Variants in STAB2 observed in about 807,000 individuals in gnomAD.
STAB2 encodes stabilin-2.
Under a neutral mutation model 338.1 loss-of-function variants are expected in STAB2, and 288 were observed. The observed-to-expected ratio is 0.85, with a 90% CI of 0.77 to 0.94. The LOEUF (loss-of-function observed/expected upper bound fraction) is 0.94. Ranked by LOEUF, STAB2 falls within the 40% of genes least tolerant of loss-of-function variation. The probability of loss-of-function intolerance (pLI) is 0.00; values close to 1 mark genes in which losing one functional copy is unlikely to be tolerated. For missense variants in STAB2, 3,141 were observed against 3,210.1 expected, an observed-to-expected ratio of 0.98 and a Z score of 0.52; for synonymous variants, 1,202 against 1,193.3, an observed-to-expected ratio of 1.01 and a Z score of -0.15.
rs185803400 is a variant in STAB2 at position 103,688,859 on chromosome 12, C to T, written c.3045+644C>T. Among the ~76,000 whole-genome samples, 47 of 152,336 alleles carry T rather than the reference C, an allele frequency of 3.1e-4. No individual in the cohort carries two copies. The East Asian group carries it at 7.7e-3, about 25-fold the overall frequency. Reference sequence around the variant, plus strand: ...AGGCATGAGCTGGCCCAGTGGTGTGCTGAACCCTGTTCACACTCACTCACG... The same window carrying T: ...AGGCATGAGCTGGCCCAGTGGTGTGTTGAACCCTGTTCACACTCACTCACG... On this transcript the variant is annotated intron_variant, in intron 28 of 68. Transcript: ENST00000388887.
intron 6 of STAB2, 38 bp downstream of exon 6, chr12:103,631,731 A>C: frequency 6.3e-7 from 1 of 1,589,602 alleles, no homozygotes; most frequent in Non-Finnish European, 8.6e-7. Context: ...ACACCAGATC[A>C]AACAGGCACA....
chr12:103,638,188 GT>G lies in STAB2; in HGVS notation c.883del (p.Cys295AlafsTer28), dbSNP rs1357245052. ...FGNCPTKSTV[C>X]KYDGPGQSHC... The stretch of plus-strand genomic sequence containing the variant: ...GAAACTGCCCTACAAAGTCTACAGT[GT>G]GCAAATATGATGGGCCTGGACAGGT... On this transcript the variant is annotated frameshift_variant, in exon 8 of 69. Coordinates refer to ENST00000388887, the MANE Select transcript of STAB2 (RefSeq NM_017564.10). LOFTEE classifies it high-confidence loss of function. The G allele has an allele frequency of 1.2e-6, 2 of 1,614,066 alleles. No individual in the cohort carries two copies. The highest frequency in any genetic ancestry group is 3.3e-5 in the Admixed American group (2 of 60,008).
intron 30 of STAB2, 67 bp downstream of exon 30, chr12:103,690,605 A>G: frequency 7.1e-7 from 1 of 1,410,570 alleles, no homozygotes; most frequent in Non-Finnish European, 9.8e-7. Flanking sequence ...TACTTTTTAA[A>G]TTTTCATGTT....
chr12:103,624,504 C>T (rs1437995422), intron 5 of STAB2, among the ~76,000 whole-genome samples: 2 of 152,162 alleles, frequency 1.3e-5, no homozygotes, highest in African/African-American at 4.8e-5. Context: ...AATAATATTG[C>T]CTCCTTTAGA....
intron 38 of STAB2, among the ~76,000 whole-genome samples, chr12:103,707,279 CACGGCTAA>C (rs1261547826): frequency 1.3e-5 from 2 of 152,258 alleles, no homozygotes; most frequent in South Asian, 2.1e-4. Flanking sequence ...CACTAATCAT[CACGGCTAA>C]ACTTTCCATT....
Position 103,674,056 on chromosome 12 carries a change from G to C in STAB2, c.2521G>C (p.Ala841Pro). The change falls in exon 23 of 69, where the codon GCC becomes CCC. Residue 841 changes from alanine (A) to proline (P), a missense_variant. By Grantham distance (27) the Ala-to-Pro change is conservative. Coordinates refer to ENST00000388887, the MANE Select transcript of STAB2 (RefSeq NM_017564.10). ...CTACGTGCAGTTCTGTCACATCCAC[G>C]CCACCTGTGAATACAGCAATGGGAC... The part of the protein sequence containing the change: ...GPYVQFCHIH[A>P]TCEYSNGTAS... The C allele has an allele frequency of 6.2e-7, 1 of 1,613,254 alleles. No homozygotes were observed. The highest frequency in any genetic ancestry group is 8.5e-7 in the Non-Finnish European group (1 of 1,179,442).
In STAB2 at chr12:103,690,457, A is replaced by G. The variant is rs1461155367; in HGVS notation, c.3216A>G (p.Ala1072=). 6 of 1,614,014 alleles carry G rather than the reference A, an allele frequency of 3.7e-6. No individual in the cohort carries two copies. In the South Asian group the frequency reaches 5.5e-5, roughly 15 times the overall value. ...YHMLLGTYRV[A]DLQTLSSSDM... ...TGCTACTAGGCACATACAGAGTGGC[A>G]GATCTGCAGACCCTGTCTTCTTCTG... The change falls in exon 30 of 69, where the codon GCA becomes GCG. Residue 1072 remains alanine, a synonymous_variant. Transcript: ENST00000388887.
chr12:103,670,840 C>T (rs769153759), intron 22 of STAB2, 33 bp downstream of exon 22: 15 of 1,570,624 alleles, frequency 9.6e-6, no homozygotes, highest in Non-Finnish European at 1.3e-5. Context: ...CCTTCCACTC[C>T]TAAGCAAGGT....
At chr12:103,607,501 A>G (rs1220332915) in intron 3 of STAB2, among the ~76,000 whole-genome samples, 1 of 149,068 alleles carries the variant, frequency 6.7e-6, no homozygotes, top group East Asian at 2.1e-4. Flanking sequence ...CTCGTCATTT[A>G]CATTAGGTAT....
intron 48 of STAB2, among the ~76,000 whole-genome samples, chr12:103,729,314 G>A (rs1050537117): frequency 6.6e-6 from 1 of 152,090 alleles, no homozygotes; most frequent in Non-Finnish European, 1.5e-5. Flanking sequence ...AAGTTTACCT[G>A]TGTAGCAAAC....
intron 3 of STAB2, among the ~76,000 whole-genome samples, chr12:103,619,153 G>A (rs1438158399): frequency 6.6e-6 from 1 of 152,152 alleles, no homozygotes; most frequent in Non-Finnish European, 1.5e-5. Flanking sequence ...CATGAGAATG[G>A]ACTAATACAA....
intron 3 of STAB2, among the ~76,000 whole-genome samples, chr12:103,608,412 G>A (rs1008634885): frequency 4.6e-5 from 7 of 152,146 alleles, no homozygotes; most frequent in African/African-American, 1.7e-4. Flanking sequence ...AAAGTGCTGG[G>A]ATTACAGGCA....
At chr12:103,641,777 T>C (rs1565979620) in intron 9 of STAB2, among the ~76,000 whole-genome samples, 1 of 152,142 alleles carries the variant, frequency 6.6e-6, no homozygotes, top group East Asian at 1.9e-4. Flanking sequence ...TAACCTAACA[T>C]TGTGATGTTA....
At chr12:103,654,827 G>C in intron 13 of STAB2, 129 bp downstream of exon 13, 1 of 1,195,080 alleles carries the variant, frequency 8.4e-7, no homozygotes. Context: ...GCAGAGAGAA[G>C]AAGAGGTGGT....
intron 44 of STAB2, among the ~76,000 whole-genome samples, chr12:103,724,400 G>T (rs1174554763): frequency 1.3e-5 from 2 of 152,198 alleles, no homozygotes; most frequent in East Asian, 1.9e-4. Context: ...GGAAGGGTTT[G>T]TGAGGAAGGG....
rs776793105 is a variant in STAB2, at chr12:103,731,557, A to T, written c.5224-19A>T. 1.2e-6 allele frequency: 2 copies of T among 1,612,046 alleles called. No individual in the cohort carries two copies. The highest frequency in any genetic ancestry group is 2.2e-5 in the East Asian group (1 of 44,842). ...CTGTATAAGGAAAAGTTTCATGCCC[A>T]TTCTTATTATCTTTGCAGCAAAATC... On this transcript the variant is annotated intron_variant, in intron 49 of 68. Coordinates refer to ENST00000388887, the MANE Select transcript of STAB2 (RefSeq NM_017564.10).
chr12:103,593,866 C>T (rs1228650552), intron 2 of STAB2, among the ~76,000 whole-genome samples: 1 of 152,226 alleles, frequency 6.6e-6, no homozygotes, highest in Non-Finnish European at 1.5e-5. Flanking sequence ...GCACTAGAAA[C>T]TCTTCTAAGG....
intron 34 of STAB2, among the ~76,000 whole-genome samples, chr12:103,702,448 G>A (rs1032724740): frequency 5.9e-5 from 9 of 152,170 alleles, no homozygotes; most frequent in Admixed American, 4.6e-4. Context: ...ACAGGCGCCC[G>A]CCACCGCGCC....
chr12:103,731,524 C>T (rs371994647), intron 49 of STAB2, 52 bp from the exon 50 acceptor site: 5 of 1,591,910 alleles, frequency 3.1e-6, no homozygotes, highest in Non-Finnish European at 4.3e-6. Context: ...TGTTAAATTC[C>T]TCTTAAACTG....
Sources: allele counts gnomAD v4.1 joint callset (sites outside exome capture counted in the v4.1 genomes callset), GRCh38; gene constraint gnomAD v4.1.1; transcripts MANE v1.5; gene names NCBI Gene and HGNC (gene_info 2026-07-23, HGNC 2026-07-21).